ENTREP2: variants seen among roughly 807,000 people sequenced by gnomAD.
ENTREP2 encodes protein ENTREP2.
chr15:29,594,386 C>A, the ENTREP2 span, among the ~76,000 whole-genome samples: 1 of 152,186 alleles, frequency 6.6e-6, no homozygotes, highest in Non-Finnish European at 1.5e-5. Flanking sequence ...CCCCGACATG[C>A]CTCCCAACTC....
At chr15:29,367,385 T>C in the ENTREP2 span, among the ~76,000 whole-genome samples, 5 of 152,230 alleles carry the variant, frequency 3.3e-5, no homozygotes, top group African/African-American at 9.6e-5. Flanking sequence ...ATATTTGACC[T>C]GACCCTGAGC....
At chr15:29,633,562 G>A in the ENTREP2 span, among the ~76,000 whole-genome samples, 2 of 152,012 alleles carry the variant, frequency 1.3e-5, no homozygotes, top group African/African-American at 2.4e-5. Context: ...AAAAATAGAA[G>A]GGTGGGGAGG....
chr15:29,536,536 A>G, the ENTREP2 span, among the ~76,000 whole-genome samples: 1,752 of 151,400 alleles, frequency 0.012, 29 homozygotes, highest in African/African-American at 0.04. Flanking sequence ...CCCGGGAGGC[A>G]GAGGTTGCAG....
the ENTREP2 span, among the ~76,000 whole-genome samples, chr15:29,505,172 C>T: frequency 6.6e-6 from 1 of 152,238 alleles, no homozygotes; most frequent in Non-Finnish European, 1.5e-5. This position sits in a 1 kb window ranked among gnomAD's most constrained non-coding sequence, Gnocchi z 4.3. Context: ...ACCCCAGTGC[C>T]ACAAAGCCAC....
chr15:29,331,235 G>A, the ENTREP2 span, among the ~76,000 whole-genome samples: 1 of 152,226 alleles, frequency 6.6e-6, no homozygotes. Context: ...GCAGCAGGTG[G>A]CACGAGGATC....
chr15:29,546,892 A>C, the ENTREP2 span, among the ~76,000 whole-genome samples: 2 of 108,810 alleles, frequency 1.8e-5, 1 homozygote, highest in South Asian at 5.3e-4. Flanking sequence ...ATCTCAAAAA[A>C]AAAAACAACA....
the ENTREP2 span, among the ~76,000 whole-genome samples, chr15:29,623,148 A>G: frequency 2.6e-5 from 4 of 152,178 alleles, no homozygotes; most frequent in Non-Finnish European, 5.9e-5. Context: ...AACACAATAA[A>G]AAGAGTGGAT....
chr15:29,417,389 G>A, the ENTREP2 span, among the ~76,000 whole-genome samples: 27 of 152,148 alleles, frequency 1.8e-4, no homozygotes, highest in Non-Finnish European at 3.4e-4. Context: ...GCAAACTATC[G>A]CAAGGACAAA....
At chr15:29,324,729 A>G in the ENTREP2 span, among the ~76,000 whole-genome samples, 3 of 152,232 alleles carry the variant, frequency 2.0e-5, no homozygotes, top group Admixed American at 6.5e-5. Context: ...ACATGTATGC[A>G]CCTAAAAACA....
chr15:29,272,855 A>G, the ENTREP2 span, among the ~76,000 whole-genome samples: 1 of 152,180 alleles, frequency 6.6e-6, no homozygotes, highest in Non-Finnish European at 1.5e-5. Context: ...AGTAGAGGAC[A>G]TGAAAACCCT....
At chr15:29,378,210 C>T in the ENTREP2 span, among the ~76,000 whole-genome samples, 3 of 106,398 alleles carry the variant, frequency 2.8e-5, no homozygotes, top group Non-Finnish European at 5.1e-5. Flanking sequence ...TTTAAAAACT[C>T]TTAAAAAAAA....
At chr15:29,626,267 T>G in the ENTREP2 span, among the ~76,000 whole-genome samples, 1 of 152,188 alleles carries the variant, frequency 6.6e-6, no homozygotes, top group African/African-American at 2.4e-5. Flanking sequence ...AAATCTCACC[T>G]TGAATTGTAA....
At chr15:29,244,108 A>G in the ENTREP2 span, among the ~76,000 whole-genome samples, 1 of 152,224 alleles carries the variant, frequency 6.6e-6, no homozygotes, top group South Asian at 2.1e-4. Context: ...ACCATTGCCT[A>G]TTTCTGCAAT....
chr15:29,289,673 C>T, the ENTREP2 span, among the ~76,000 whole-genome samples: 2 of 151,972 alleles, frequency 1.3e-5, no homozygotes, highest in Non-Finnish European at 2.9e-5. Context: ...TGGCAAAACC[C>T]CATCTCTACT....
chr15:29,497,307 T>A, the ENTREP2 span, among the ~76,000 whole-genome samples: 1 of 152,198 alleles, frequency 6.6e-6, no homozygotes, highest in African/African-American at 2.4e-5. Flanking sequence ...CATTTTCTCT[T>A]CAATTTTTTT....
At chr15:29,156,766 A>T in the ENTREP2 span, among the ~76,000 whole-genome samples, 3 of 152,136 alleles carry the variant, frequency 2.0e-5, no homozygotes, top group Non-Finnish European at 4.4e-5. Flanking sequence ...GATTCTGGTG[A>T]GTGGAAACAT....
the ENTREP2 span, among the ~76,000 whole-genome samples, chr15:29,252,209 TA>T: frequency 6.6e-6 from 1 of 152,174 alleles, no homozygotes; most frequent in Admixed American, 6.5e-5. Flanking sequence ...CTTATAGAAA[TA>T]AATCAGCTTA....
chr15:29,147,469 A>G, the ENTREP2 span, among the ~76,000 whole-genome samples: 1 of 151,770 alleles, frequency 6.6e-6, no homozygotes, highest in African/African-American at 2.4e-5. Flanking sequence ...ATTAAAAGAA[A>G]GATCATAAGT....
At chr15:29,608,837 G>C in the ENTREP2 span, among the ~76,000 whole-genome samples, 7 of 151,934 alleles carry the variant, frequency 4.6e-5, no homozygotes, top group African/African-American at 9.7e-5. Flanking sequence ...AAAGTGCTGG[G>C]ATTACAGGCT....
Sources: gnomAD v4.1 joint callset for allele counts (sites outside exome capture counted in the v4.1 genomes callset) on GRCh38, gnomAD v4.1.1 for gene constraint, Gnocchi (gnomAD v3.1) non-coding constraint, MANE v1.5 for transcripts, NCBI Gene and HGNC (gene_info 2026-07-23, HGNC 2026-07-21) for gene names.